Variants in PTPRG observed in about 807,000 individuals in gnomAD.
PTPRG encodes protein tyrosine phosphatase receptor type G.
A neutral mutation model predicts 165.3 loss-of-function variants in PTPRG; 102 were observed. The observed-to-expected ratio is 0.62, with a 90% confidence interval of 0.53 to 0.73. PTPRG has a LOEUF of 0.73. Ranked by LOEUF, PTPRG falls within the 30% of genes least tolerant of loss-of-function variation. The probability of loss-of-function intolerance (pLI) is 0.00; values close to 1 mark genes in which losing one functional copy is unlikely to be tolerated. For missense variants in PTPRG, 1,866 were observed against 1,861.4 expected (o/e 1.00, Z -0.05); for synonymous variants, 675 against 669.5 (o/e 1.01, Z -0.13).
intron 10 of PTPRG, among the ~76,000 whole-genome samples, chr3:62,198,174 A>G (rs756806554): frequency 5.3e-5 from 8 of 152,330 alleles, no homozygotes; most frequent in Non-Finnish European, 1.0e-4. Context: ...TATAACAATA[A>G]TAATAGCAAG....
At chr3:61,564,770 G>T (rs1207789843) in intron 1 of PTPRG, among the ~76,000 whole-genome samples, 1 of 152,152 alleles carries the variant, frequency 6.6e-6, no homozygotes, top group African/African-American at 2.4e-5. Flanking sequence ...CACACTGGTC[G>T]GCCTCGGCCA....
At chr3:61,671,450 T>C (rs113962679) in intron 1 of PTPRG, among the ~76,000 whole-genome samples, 13,446 of 151,252 alleles carry the variant, frequency 0.089, 717 homozygotes, top group Non-Finnish European at 0.12. Flanking sequence ...GAGCACAGGG[T>C]TGGGGGTAAG....
chr3:61,832,127 G>C (rs1329991351), intron 2 of PTPRG, among the ~76,000 whole-genome samples: 1 of 152,104 alleles, frequency 6.6e-6, no homozygotes, highest in African/African-American at 2.4e-5. Context: ...CTAACAAGAA[G>C]GGGGTGCTTT....
At chr3:61,991,962 C>G (rs368327942) in intron 3 of PTPRG, among the ~76,000 whole-genome samples, 1 of 152,298 alleles carries the variant, frequency 6.6e-6, no homozygotes, top group South Asian at 2.1e-4. Context: ...TCCTGGCTTC[C>G]TAGAGTGATC....
chr3:61,962,871 ATTTTT>A (rs1467598865), intron 2 of PTPRG, among the ~76,000 whole-genome samples: 3 of 152,038 alleles, frequency 2.0e-5, no homozygotes, highest in Non-Finnish European at 4.4e-5. Flanking sequence ...TGTTATGTTT[ATTTTT>A]TTGTTTGTTT....
intron 2 of PTPRG, among the ~76,000 whole-genome samples, chr3:61,849,402 G>C (rs1018539270): frequency 6.6e-6 from 1 of 152,122 alleles, no homozygotes; most frequent in Non-Finnish European, 1.5e-5. Flanking sequence ...CTGGAAATGC[G>C]GTGAAAAGAT....
chr3:62,045,156 C>G (rs1344546962), intron 4 of PTPRG, among the ~76,000 whole-genome samples: 1 of 152,120 alleles, frequency 6.6e-6, no homozygotes, highest in Non-Finnish European at 1.5e-5. Context: ...TCCATTGTTG[C>G]TTTTCAGATG....
chr3:61,581,081 G>C (rs1449115906), intron 1 of PTPRG, among the ~76,000 whole-genome samples: 1 of 152,056 alleles, frequency 6.6e-6, no homozygotes, highest in Non-Finnish European at 1.5e-5. Context: ...GTATTTTTTT[G>C]TACCCATCTA....
chr3:62,048,418 A>C (rs540697834), intron 4 of PTPRG, among the ~76,000 whole-genome samples: 2 of 152,318 alleles, frequency 1.3e-5, no homozygotes, highest in East Asian at 3.9e-4. Flanking sequence ...CTCCCAAGAT[A>C]GGTATTTTGT....
rs1559735845 is a variant in PTPRG, at chr3:61,995,687, CCTTCCTTCCTTCCTTCCT to C, written c.370+5884_370+5901del. Among the ~76,000 whole-genome samples, 156 of 88,358 alleles carry C rather than the reference CCTTCCTTCCTTCCTTCCT, an allele frequency of 1.8e-3. 4 individuals are homozygous for C. Among genetic ancestry groups the C allele is most frequent in the Middle Eastern group, 5.1e-3 (1 of 196 alleles). 58.0% of individuals were successfully genotyped at this position (88,358 alleles called of 152,430 possible). ...TTCCGCCTGCCTGCCCGCCCGCCTT[CCTTCCTTCCTTCCTTCCT>C]TCCTTCCTTCCTTCCTTCCTTCCTT... On this transcript the variant is annotated intron_variant, in intron 3 of 29. Coordinates refer to ENST00000474889, the MANE Select transcript of PTPRG (RefSeq NM_002841.4).
intron 2 of PTPRG, among the ~76,000 whole-genome samples, chr3:61,799,330 T>C (rs2035162441): frequency 6.6e-6 from 1 of 152,180 alleles, no homozygotes; most frequent in Non-Finnish European, 1.5e-5. Context: ...CTTCCCTTCC[T>C]GAGTAGAGTT....
At chr3:61,996,585 A>G (rs1409308124) in intron 3 of PTPRG, among the ~76,000 whole-genome samples, 3 of 152,172 alleles carry the variant, frequency 2.0e-5, no homozygotes, top group East Asian at 3.9e-4. Flanking sequence ...GGCGTGTCTA[A>G]TATAAACAGT....
intron 2 of PTPRG, among the ~76,000 whole-genome samples, chr3:61,898,610 AT>A (rs2038421737): frequency 6.6e-6 from 1 of 152,136 alleles, no homozygotes; most frequent in South Asian, 2.1e-4. Context: ...GATAGGTTAC[AT>A]TGCGTTGTTT....
chr3:62,103,153 T>A (rs943914542), intron 5 of PTPRG, among the ~76,000 whole-genome samples: 49 of 148,836 alleles, frequency 3.3e-4, no homozygotes, highest in Non-Finnish European at 4.2e-4. Flanking sequence ...GTTTTTTTTT[T>A]ATTTTATTTT....
chr3:62,146,453 T>C (rs918723680), intron 6 of PTPRG, among the ~76,000 whole-genome samples: 1 of 152,096 alleles, frequency 6.6e-6, no homozygotes, highest in African/African-American at 2.4e-5. Context: ...TAGTTATTCA[T>C]GCCATAGTAT....
chr3:62,049,531 A>C (rs1390598417), intron 4 of PTPRG, among the ~76,000 whole-genome samples: 3 of 147,998 alleles, frequency 2.0e-5, no homozygotes, highest in East Asian at 4.0e-4. Flanking sequence ...GTAACTTTCC[A>C]AGTGGTGGAT....
chr3:62,267,835 C>G lies in PTPRG; in HGVS notation c.2874+16C>G, dbSNP rs757157501. ...AAAAGGAAGAGTAAGAGCCTTTTGA[C>G]TCACTATCTTAATAATGCACCTTCA... On this transcript the variant is annotated intron_variant, in intron 19 of 29. Coordinates refer to ENST00000474889, the MANE Select transcript of PTPRG (RefSeq NM_002841.4). 2.5e-6 allele frequency: 4 copies of G among 1,610,040 alleles called. No individual in the cohort carries two copies. Among genetic ancestry groups the G allele is most frequent in the Non-Finnish European group, 2.5e-6 (3 of 1,178,282 alleles).
intron 2 of PTPRG, among the ~76,000 whole-genome samples, chr3:61,792,383 C>T (rs1575667052): frequency 6.6e-6 from 1 of 152,086 alleles, no homozygotes; most frequent in South Asian, 2.1e-4. Context: ...GCCACCATGC[C>T]CAGCTAATAT....
chr3:62,291,683 A>G (rs1021511467), intron 28 of PTPRG, among the ~76,000 whole-genome samples: 4 of 152,190 alleles, frequency 2.6e-5, no homozygotes, highest in African/African-American at 9.6e-5. Flanking sequence ...TTCTGCCACC[A>G]GCCAGCAACA....
Sources: gnomAD v4.1 joint callset for allele counts (sites outside exome capture counted in the v4.1 genomes callset) on GRCh38, gnomAD v4.1.1 for gene constraint, MANE v1.5 for transcripts, NCBI Gene and HGNC (gene_info 2026-07-23, HGNC 2026-07-21) for gene names.